DCLK2: variants seen among roughly 807,000 people sequenced by gnomAD.
The protein encoded by DCLK2 is serine/threonine-protein kinase DCLK2.
In DCLK2, 31 loss-of-function variants were observed where a neutral mutation model predicts 78.4. That is an observed-to-expected ratio of 0.40 (90% CI 0.30 to 0.53). The LOEUF is 0.53. Among genes scored for constraint, DCLK2 ranks in the 20% least tolerant of loss-of-function variants. The probability of loss-of-function intolerance (pLI) is 0.61; values close to 1 mark genes in which losing one functional copy is unlikely to be tolerated. For synonymous variants in DCLK2, 407 were observed against 374.9 expected, an observed-to-expected ratio of 1.09 and a Z score of -0.99; for missense variants, 872 against 973.7, an observed-to-expected ratio of 0.90 and a Z score of 1.39.
At chr4:150,232,964 A>G (rs1012225273) in intron 10 of DCLK2, 136 bp downstream of exon 10, 1 of 1,114,084 alleles carries the variant, frequency 9.0e-7, no homozygotes, top group Non-Finnish European at 1.3e-6. Context: ...AGCAAGACTT[A>G]TGTCAATGAC....
At chr4:150,162,757 A>C (rs1017431568) in intron 2 of DCLK2, among the ~76,000 whole-genome samples, 1 of 152,060 alleles carries the variant, frequency 6.6e-6, no homozygotes, top group Non-Finnish European at 1.5e-5. Flanking sequence ...AGGCATGAGC[A>C]CTGTGCCCAG....
At chr4:150,198,913 C>CCT (rs1006783684) in intron 4 of DCLK2, 2 of 561,308 alleles carry the variant, frequency 3.6e-6, no homozygotes, top group Admixed American at 2.5e-5. Flanking sequence ...TTTCAGCACC[C>CCT]CCCCCCCCAC....
intron 3 of DCLK2, among the ~76,000 whole-genome samples, chr4:150,195,870 T>C (rs1378045464): frequency 1.3e-5 from 2 of 152,076 alleles, no homozygotes; most frequent in Non-Finnish European, 2.9e-5. Flanking sequence ...GAGGATCAAA[T>C]GCATTATAAT....
At position 150,245,639 on chromosome 4, in the gene DCLK2, T is replaced by C. The variant is rs570356979; in HGVS notation, c.1779-1964T>C. ...GGTGTTTGGTTTTTTGTCCTTGCGA[T>C]AGTTTGCTGAGAATGATGGTTTCCA... On this transcript the variant is annotated intron_variant, in intron 12 of 15. Transcript: ENST00000296550. Among the ~76,000 whole-genome samples, 798 of 152,326 alleles carry C rather than the reference T, an allele frequency of 5.2e-3. 3 individuals are homozygous for C. Among genetic ancestry groups the C allele is most frequent in the Non-Finnish European group, 7.7e-3 (526 of 68,034 alleles).
chr4:150,132,866 T>C (rs1311667102), intron 2 of DCLK2, among the ~76,000 whole-genome samples: 1 of 152,324 alleles, frequency 6.6e-6, no homozygotes, highest in East Asian at 1.9e-4. Context: ...GTGCTCAAAC[T>C]GTCCTCCCAC....
At chr4:150,109,182 CT>C (rs1253916393) in intron 2 of DCLK2, among the ~76,000 whole-genome samples, 4 of 152,282 alleles carry the variant, frequency 2.6e-5, no homozygotes, top group African/African-American at 9.6e-5. Flanking sequence ...AAAGCAATCT[CT>C]TTTCAAAAAT....
intron 10 of DCLK2, among the ~76,000 whole-genome samples, chr4:150,236,642 G>A (rs187815134): frequency 5.9e-5 from 9 of 152,292 alleles, no homozygotes; most frequent in South Asian, 2.1e-4. Context: ...AAGCAATGAT[G>A]TGTGTGTCTC....
rs1184218937 is a variant in DCLK2 at position 150,203,865 on chromosome 4, T to C, written c.1032T>C (p.Ser344=). ...STKSSSSSPT[S]PGSFRGLKQI... The stretch of plus-strand genomic sequence containing the variant: ...AATCCTCCAGTTCCTCTCCAACTAG[T>C]CCAGGAAGTTTCAGAGGATTAAAGG... The change falls in exon 5 of 16, where the codon AGT becomes AGC. Residue 344 remains serine, a synonymous_variant. Transcript: ENST00000296550. The C allele has an allele frequency of 6.2e-7, 1 of 1,613,818 alleles. No individual in the cohort carries two copies. The highest frequency in any genetic ancestry group is 8.5e-7 in the Non-Finnish European group (1 of 1,179,766).
intron 15 of DCLK2, chr4:150,254,451 C>T (rs953884580): frequency 3.3e-5 from 13 of 398,698 alleles, no homozygotes; most frequent in African/African-American, 8.2e-5. Context: ...ATGTACTAAC[C>T]GCACTGCCAG....
chr4:150,207,429 T>A (rs1739922707), intron 5 of DCLK2, among the ~76,000 whole-genome samples: 1 of 152,104 alleles, frequency 6.6e-6, no homozygotes, highest in Non-Finnish European at 1.5e-5. Flanking sequence ...GAACTGAAAA[T>A]GAAAATAGGA....
chr4:150,221,437 T>C (rs545355295), intron 6 of DCLK2, among the ~76,000 whole-genome samples: 1 of 152,286 alleles, frequency 6.6e-6, no homozygotes, highest in East Asian at 1.9e-4. Context: ...ATCACTTATT[T>C]CACCTGATAT....
chr4:150,254,919 C>T (rs1580816261), intron 15 of DCLK2, among the ~76,000 whole-genome samples: 1 of 152,146 alleles, frequency 6.6e-6, no homozygotes, highest in East Asian at 1.9e-4. Flanking sequence ...CTCAAGTGAT[C>T]CTCCCTCCTT....
intron 2 of DCLK2, among the ~76,000 whole-genome samples, chr4:150,118,680 C>T (rs1248446702): frequency 6.6e-6 from 1 of 152,136 alleles, no homozygotes; most frequent in Non-Finnish European, 1.5e-5. Flanking sequence ...TGATCCCACT[C>T]TGCTTCTTAA....
chr4:150,253,665 G>A, intron 15 of DCLK2: 3 of 1,246,672 alleles, frequency 2.4e-6, no homozygotes, highest in Non-Finnish European at 3.1e-6. Context: ...CTGCTTACTG[G>A]TGTGGGTCTT....
Position 150,079,288 on chromosome 4 carries a change from G to C in DCLK2, c.261G>C (p.Leu87=). 1 of 1,600,312 alleles carries C rather than the reference G, an allele frequency of 6.2e-7. No individual in the cohort carries two copies. Residue 87 remains leucine, a synonymous_variant, in exon 1 of 16, where the codon CTG becomes CTC. Transcript: ENST00000296550. The stretch of plus-strand genomic sequence containing the variant: ...ACGGGGACCGCTACTTCAAGGGCCT[G>C]GTGTTTGCCATCTCCAGCGACCGCT... ...YRNGDRYFKG[L]VFAISSDRFR...
chr4:150,255,887 G>A lies in DCLK2; in HGVS notation c.2074-133G>A, dbSNP rs1580817691. The A allele has an allele frequency of 2.1e-6, 3 of 1,419,280 alleles. No individual in the cohort carries two copies. The East Asian group carries it at 7.6e-5, about 36-fold the overall frequency. 87.9% of individuals were successfully genotyped at this position (1,419,280 alleles called of 1,614,324 possible). On this transcript the variant is annotated intron_variant, in intron 15 of 15. Transcript: ENST00000296550. ...ACCATTACTCTCCTGTGAGGCTTCT[G>A]TTAGAAGCTTGGCGTTATTTCTCCT... is the stretch of plus-strand genomic sequence containing the variant.
chr4:150,224,703 G>T, intron 8 of DCLK2, 145 bp downstream of exon 8: 2 of 553,098 alleles, frequency 3.6e-6, no homozygotes, highest in Non-Finnish European at 3.0e-6. Flanking sequence ...ACAGTTAAGC[G>T]GTTTTATTCC....
chr4:150,086,299 A>G (rs1729632795), intron 1 of DCLK2, among the ~76,000 whole-genome samples: 1 of 152,180 alleles, frequency 6.6e-6, no homozygotes, highest in Non-Finnish European at 1.5e-5. Context: ...TTGGACAGTT[A>G]GCCAGATTTA....
At chr4:150,137,784 A>G (rs1439194750) in intron 2 of DCLK2, among the ~76,000 whole-genome samples, 1 of 152,222 alleles carries the variant, frequency 6.6e-6, no homozygotes, top group Non-Finnish European at 1.5e-5. Flanking sequence ...GGAAATTTTT[A>G]TAGGGTTTCA....
Sources: gnomAD v4.1 joint callset for allele counts (sites outside exome capture counted in the v4.1 genomes callset) on GRCh38, gnomAD v4.1.1 for gene constraint, MANE v1.5 for transcripts, NCBI Gene and HGNC (gene_info 2026-07-23, HGNC 2026-07-21) for gene names.